Variants in TLE1 observed in about 807,000 individuals in gnomAD.
TLE1 encodes the protein TLE family member 1, transcriptional corepressor.
TLE1 carries 21 observed loss-of-function variants against 89.8 expected under a neutral mutation model. That is an observed-to-expected ratio of 0.23 (90% CI 0.17 to 0.34). The LOEUF (loss-of-function observed/expected upper bound fraction) is 0.34, where lower values mean the gene tolerates loss of function less well. Among genes scored for constraint, TLE1 ranks in the 10% least tolerant of loss-of-function variants. The probability of loss-of-function intolerance (pLI) is 1.00; values close to 1 mark genes in which losing one functional copy is unlikely to be tolerated. For synonymous variants in TLE1, 447 were observed against 407.6 expected (o/e 1.10, Z -1.16); for missense variants, 795 against 1,031.2 (o/e 0.77, Z 3.14).
rs2796442 is a variant in TLE1, at chr9:81,671,570, G to A, written c.234+14106C>T. ...CAAGGCAGGAGAATCGCTTGAACCC[G>A]GGAGGCGAAGCTTGCAGTGAGCCAA... On this transcript the variant is annotated intron_variant, in intron 4 of 19. Transcript: ENST00000376499. Among the ~76,000 whole-genome samples the A allele has an allele frequency of 3.9e-5, 6 of 152,042 alleles. No homozygotes were observed. In the East Asian group the frequency reaches 5.8e-4, roughly 15 times the overall value.
intron 14 of TLE1, among the ~76,000 whole-genome samples, chr9:81,609,216 C>T (rs1823388381): frequency 6.6e-6 from 1 of 152,064 alleles, no homozygotes. Flanking sequence ...TCCCGAGTAG[C>T]TGGGATTACA....
At chr9:81,687,991 C>T (rs1380795729) in intron 1 of TLE1, among the ~76,000 whole-genome samples, 3 of 152,054 alleles carry the variant, frequency 2.0e-5, no homozygotes, top group Non-Finnish European at 2.9e-5. Flanking sequence ...CGCCCCTGTC[C>T]GCTCGGTATA....
chr9:81,675,892 G>GGT (rs1832848040), intron 4 of TLE1, among the ~76,000 whole-genome samples: 1 of 151,818 alleles, frequency 6.6e-6, no homozygotes, highest in South Asian at 2.1e-4. Flanking sequence ...GCAGAGACGG[G>GGT]GTTTCACCAT....
At chr9:81,625,911 T>A (rs1454436869) in intron 8 of TLE1, among the ~76,000 whole-genome samples, 34 of 87,824 alleles carry the variant, frequency 3.9e-4, no homozygotes, top group South Asian at 9.5e-4. Context: ...CAGAAACTAC[T>A]AAAAAAAAAA....
At chr9:81,673,300 T>C (rs1310910129) in intron 4 of TLE1, among the ~76,000 whole-genome samples, 1 of 138,318 alleles carries the variant, frequency 7.2e-6, no homozygotes, top group African/African-American at 2.6e-5. Context: ...AAAAACAGAC[T>C]GCCAACAAGT....
At chr9:81,676,023 G>A (rs1046117956) in intron 4 of TLE1, among the ~76,000 whole-genome samples, 1 of 152,026 alleles carries the variant, frequency 6.6e-6, no homozygotes, top group African/African-American at 2.4e-5. Flanking sequence ...TTCTTGATTC[G>A]AGTTTTTAAT....
intron 9 of TLE1, among the ~76,000 whole-genome samples, chr9:81,617,708 A>T (rs1056834359): frequency 1.1e-4 from 16 of 152,150 alleles, no homozygotes; most frequent in South Asian, 2.1e-4. Context: ...TCACAAAAAA[A>T]TAAATAAAAT....
intron 4 of TLE1, among the ~76,000 whole-genome samples, chr9:81,671,621 G>A (rs1215254756): frequency 6.6e-6 from 1 of 151,676 alleles, no homozygotes; most frequent in East Asian, 1.9e-4. Context: ...CTCCAACCTG[G>A]GCGACAGAGT....
At chr9:81,683,151 G>A (rs1207768949) in intron 4 of TLE1, among the ~76,000 whole-genome samples, 1 of 152,026 alleles carries the variant, frequency 6.6e-6, no homozygotes, top group African/African-American at 2.4e-5. Context: ...GGAAGGGAGA[G>A]CGGTCGTCAC....
intron 16 of TLE1, 33 bp downstream of exon 16, chr9:81,590,772 C>G (rs187303459): frequency 6.2e-7 from 1 of 1,600,650 alleles, no homozygotes; most frequent in Non-Finnish European, 8.5e-7. Context: ...GCTAAAGAAG[C>G]GAACCCCTCC....
chr9:81,633,288 CGTGTGTGTGT>C (rs56327119), intron 8 of TLE1, 50 bp downstream of exon 8: 286,207 of 1,561,916 alleles, frequency 0.18, 5,986 homozygotes, highest in South Asian at 0.28. Context: ...AGAAGGGGAC[CGTGTGTGTGT>C]GTGTGTGTGT....
intron 16 of TLE1, 127 bp downstream of exon 16, chr9:81,590,678 C>G: frequency 2.0e-6 from 3 of 1,487,126 alleles, no homozygotes; most frequent in Non-Finnish European, 2.7e-6. Context: ...TCCCTCATCA[C>G]CTAGCCCCAT....
At chr9:81,667,204 G>C (rs985702389) in intron 4 of TLE1, among the ~76,000 whole-genome samples, 1 of 152,092 alleles carries the variant, frequency 6.6e-6, no homozygotes, top group East Asian at 1.9e-4. Context: ...CTTTAGGTCA[G>C]GAGTTTGAGA....
chr9:81,659,161 GC>G (rs1249414465), intron 4 of TLE1, among the ~76,000 whole-genome samples: 2 of 152,098 alleles, frequency 1.3e-5, no homozygotes, highest in Non-Finnish European at 1.5e-5. Context: ...GCCCACCTCA[GC>G]CTCCCAAAGT....
intron 16 of TLE1, among the ~76,000 whole-genome samples, chr9:81,590,145 A>T (rs1341450931): frequency 1.3e-5 from 2 of 151,460 alleles, no homozygotes; most frequent in African/African-American, 4.8e-5. Context: ...CTTTAAAAAG[A>T]CTTTTTGAGA....
At chr9:81,656,802 T>G (rs1830200630) in intron 4 of TLE1, among the ~76,000 whole-genome samples, 2 of 152,244 alleles carry the variant, frequency 1.3e-5, no homozygotes, top group Non-Finnish European at 2.9e-5. Context: ...TATTTATGTT[T>G]CATTTAATTT....
chr9:81,626,911 G>A (rs1007784025), intron 8 of TLE1, among the ~76,000 whole-genome samples: 5 of 152,108 alleles, frequency 3.3e-5, no homozygotes, highest in African/African-American at 9.7e-5. Flanking sequence ...ATAACCTCAT[G>A]ACACTGCCGT....
chr9:81,599,304 A>G (rs1198855669), intron 14 of TLE1, among the ~76,000 whole-genome samples: 3 of 152,094 alleles, frequency 2.0e-5, no homozygotes, highest in African/African-American at 7.2e-5. Context: ...GCAAAAGTGG[A>G]GCTGTTAATC....
At chr9:81,612,278 C>T (rs993275089) in intron 12 of TLE1, 7 of 1,102,688 alleles carry the variant, frequency 6.3e-6, no homozygotes, top group Non-Finnish European at 7.7e-6. Context: ...AAGGCACAGG[C>T]ACCAAGTGTT....
Sources: gnomAD v4.1 joint callset for allele counts (sites outside exome capture counted in the v4.1 genomes callset) on GRCh38, gnomAD v4.1.1 for gene constraint, MANE v1.5 for transcripts, NCBI Gene and HGNC (gene_info 2026-07-23, HGNC 2026-07-21) for gene names.